NRG3: variants seen among roughly 807,000 people sequenced by gnomAD.
The protein encoded by NRG3 is neuregulin 3, also known as pro-neuregulin-3, membrane-bound isoform.
Under a neutral mutation model 66.9 loss-of-function variants are expected in NRG3, and 31 were observed. The ratio of observed to expected loss-of-function variants is 0.46; its 90% CI spans 0.35 to 0.63. The LOEUF is 0.63. Ranked by LOEUF, NRG3 falls within the 20% of genes least tolerant of loss-of-function variation. The pLI, the probability that NRG3 is intolerant of heterozygous loss-of-function variation, is 0.00. For missense variants in NRG3, 910 were observed against 878.9 expected (o/e 1.04, Z -0.45); for synonymous variants, 393 against 359.4 (o/e 1.09, Z -1.06).
intron 1 of NRG3, among the ~76,000 whole-genome samples, chr10:81,989,893 A>C (rs1414104866): frequency 6.6e-6 from 1 of 152,172 alleles, no homozygotes; most frequent in Non-Finnish European, 1.5e-5. Context: ...AAATGGAAAA[A>C]AAATCTGTCC....
At chr10:81,936,902 T>C (rs982961111) in intron 1 of NRG3, among the ~76,000 whole-genome samples, 3 of 152,210 alleles carry the variant, frequency 2.0e-5, no homozygotes, top group Non-Finnish European at 4.4e-5. Flanking sequence ...TACACTAATG[T>C]TGACTCTATG....
intron 1 of NRG3, among the ~76,000 whole-genome samples, chr10:81,961,687 CCA>C (rs567966751): frequency 6.6e-6 from 1 of 152,234 alleles, no homozygotes; most frequent in Non-Finnish European, 1.5e-5. Context: ...TTAACTGTGT[CCA>C]TTTTGGCCAG....
intron 4 of NRG3, among the ~76,000 whole-genome samples, chr10:82,927,533 C>A (rs950150245): frequency 6.6e-6 from 1 of 152,040 alleles, no homozygotes. Context: ...GTGATGTTCC[C>A]CTTCCTGTGT....
At chr10:82,534,530 G>T (rs1214477306) in intron 2 of NRG3, among the ~76,000 whole-genome samples, 1 of 152,052 alleles carries the variant, frequency 6.6e-6, no homozygotes, top group East Asian at 1.9e-4. Context: ...CTCCCAAAGT[G>T]CTGGGATTAC....
Position 82,985,798 on chromosome 10 carries a change from G to T in NRG3, c.*193G>T, listed in dbSNP as rs537449732. On this transcript the variant is annotated 3_prime_UTR_variant, in exon 9 of 9. Transcript: ENST00000372141. ...AAAGAAATGTTTCAGGAGGGATAAA[G>T]CTTACCATTAAAGCTTTTGGGTAGA... 6 of 618,406 alleles carry T rather than the reference G, an allele frequency of 9.7e-6. No individual in the cohort carries two copies. Among genetic ancestry groups the T allele is most frequent in the African/African-American group, 7.4e-5 (4 of 54,120 alleles). The allele number at this position is 618,406 out of a possible 1,614,324, so 38.3% of individuals were successfully genotyped here.
At chr10:82,883,044 C>T (rs945903110) in intron 4 of NRG3, among the ~76,000 whole-genome samples, 1 of 152,162 alleles carries the variant, frequency 6.6e-6, no homozygotes, top group African/African-American at 2.4e-5. Flanking sequence ...CATACCCTTT[C>T]TCTAAAAATA....
At chr10:82,387,057 C>T (rs1185683688) in intron 2 of NRG3, among the ~76,000 whole-genome samples, 2 of 152,228 alleles carry the variant, frequency 1.3e-5, no homozygotes, top group African/African-American at 4.8e-5. Context: ...GCCTTGGCCT[C>T]ACAAAGTGCT....
rs771241806 is a variant in NRG3 at position 82,762,994 on chromosome 10, TAAAG to T, written c.1027+24346_1027+24349del. Among the ~76,000 whole-genome samples, 320 of 152,310 alleles carry T rather than the reference TAAAG, an allele frequency of 2.1e-3. 1 individual carries two copies. Among genetic ancestry groups the T allele is most frequent in the Middle Eastern group, 3.4e-3 (1 of 294 alleles). ...GTCTCTGAAATGCATTTGATTTGTATAAAGAGTTATTGCCAAACTGCCCTTTTCA... is the reference window on the plus strand; with the variant it reads ...GTCTCTGAAATGCATTTGATTTGTATAGTTATTGCCAAACTGCCCTTTTCA... On this transcript the variant is annotated intron_variant, in intron 3 of 8. Transcript: ENST00000372141.
At chr10:82,960,730 G>A (rs779545548) in intron 6 of NRG3, among the ~76,000 whole-genome samples, 4 of 151,960 alleles carry the variant, frequency 2.6e-5, no homozygotes, top group Non-Finnish European at 4.4e-5. Context: ...TGCCTTAACT[G>A]GTGACATTAC....
chr10:82,612,346 T>A (rs2048365910), intron 2 of NRG3, among the ~76,000 whole-genome samples: 1 of 152,156 alleles, frequency 6.6e-6, no homozygotes, highest in Admixed American at 6.5e-5. Flanking sequence ...CTCTTTTTTT[T>A]AATTGCTTTT....
intron 2 of NRG3, among the ~76,000 whole-genome samples, chr10:82,710,454 C>T (rs775087012): frequency 1.4e-4 from 22 of 151,730 alleles, no homozygotes; most frequent in Non-Finnish European, 2.5e-4. Context: ...GGCGTGGTGG[C>T]GCATGCCTGT....
rs76895019 is a variant in NRG3, at chr10:82,052,198, G to A, written c.823+176035G>A. Among the ~76,000 whole-genome samples, 523 of 152,092 alleles carry A rather than the reference G, an allele frequency of 3.4e-3. 3 individuals are homozygous for A. Among genetic ancestry groups the A allele is most frequent in the African/African-American group, 0.011 (472 of 41,542 alleles). On this transcript the variant is annotated intron_variant, in intron 1 of 8. Transcript: ENST00000372141. ...GGGCACTGCAGTGAAAAAAAGAAAT[G>A]CATGTAGTTGTGATCTACCTGTCTC...
At chr10:82,709,353 C>T (rs527373986) in intron 2 of NRG3, among the ~76,000 whole-genome samples, 1 of 151,204 alleles carries the variant, frequency 6.6e-6, no homozygotes, top group Admixed American at 6.6e-5. Flanking sequence ...GTTCCAGCAG[C>T]TGGTTTTTTT....
At chr10:82,784,282 C>T (rs1228049251) in intron 3 of NRG3, among the ~76,000 whole-genome samples, 1 of 151,454 alleles carries the variant, frequency 6.6e-6, no homozygotes, top group African/African-American at 2.4e-5. Flanking sequence ...CATTACCATT[C>T]AGGACATAGG....
intron 2 of NRG3, among the ~76,000 whole-genome samples, chr10:82,457,280 A>G (rs2091309071): frequency 6.6e-6 from 1 of 152,090 alleles, no homozygotes; most frequent in Non-Finnish European, 1.5e-5. Context: ...GTGGTAGGGG[A>G]ATAGGGGGAA....
intron 2 of NRG3, among the ~76,000 whole-genome samples, chr10:82,678,108 A>G (rs1373114410): frequency 6.6e-6 from 1 of 152,128 alleles, no homozygotes; most frequent in Admixed American, 6.5e-5. Context: ...CCACACACAT[A>G]ACTCCTGAGA....
chr10:82,486,152 A>G (rs1303760146), intron 2 of NRG3, among the ~76,000 whole-genome samples: 2 of 152,210 alleles, frequency 1.3e-5, no homozygotes. Flanking sequence ...CTAGCAGAAA[A>G]TAACAAGTGT....
At chr10:81,957,262 T>G (rs1849926817) in intron 1 of NRG3, among the ~76,000 whole-genome samples, 1 of 152,082 alleles carries the variant, frequency 6.6e-6, no homozygotes, top group Non-Finnish European at 1.5e-5. Flanking sequence ...ACTTAGGGTG[T>G]TGTTAGGCTA....
chr10:82,075,210 T>C (rs1462415776), intron 1 of NRG3, among the ~76,000 whole-genome samples: 1 of 152,230 alleles, frequency 6.6e-6, no homozygotes, highest in East Asian at 1.9e-4. Flanking sequence ...GATTTTCTTA[T>C]GTATATGTTG....
Sources: allele counts gnomAD v4.1 joint callset (sites outside exome capture counted in the v4.1 genomes callset), GRCh38; gene constraint gnomAD v4.1.1; transcripts MANE v1.5; gene names NCBI Gene and HGNC (gene_info 2026-07-23, HGNC 2026-07-21).